Variants in RCAN1 observed in about 807,000 individuals in gnomAD.
The protein encoded by RCAN1 is regulator of calcineurin 1, also known as calcipressin-1.
A neutral mutation model predicts 22.9 loss-of-function variants in RCAN1; 11 were observed. The ratio of observed to expected loss-of-function variants is 0.48; its 90% CI spans 0.30 to 0.79. The LOEUF is 0.79. Ranked by LOEUF, RCAN1 falls within the 30% of genes least tolerant of loss-of-function variation. The pLI is 0.06. For synonymous variants in RCAN1, 136 were observed against 142.3 expected (o/e 0.96, Z 0.32); for missense variants, 291 against 337.8 (o/e 0.86, Z 1.09).
intron 1 of RCAN1, among the ~76,000 whole-genome samples, chr21:34,555,601 T>G (rs1230014969): frequency 6.7e-6 from 1 of 150,248 alleles, no homozygotes; most frequent in African/African-American, 2.4e-5. Flanking sequence ...ATAATAATAA[T>G]AATAAAAAAA....
intron 1 of RCAN1, among the ~76,000 whole-genome samples, chr21:34,557,905 CT>C (rs1986640031): frequency 6.6e-6 from 1 of 152,106 alleles, no homozygotes; most frequent in Admixed American, 6.5e-5. Context: ...GGTACTATCA[CT>C]TTTTTATAGG....
chr21:34,531,422 G>C (rs1042360888), intron 1 of RCAN1, among the ~76,000 whole-genome samples: 45 of 152,132 alleles, frequency 3.0e-4, no homozygotes, highest in African/African-American at 9.9e-4. Flanking sequence ...GTGCCCTGCA[G>C]GTCCACAGAA....
intron 1 of RCAN1, among the ~76,000 whole-genome samples, chr21:34,587,527 A>C (rs577303118): frequency 6.6e-6 from 1 of 152,334 alleles, no homozygotes; most frequent in East Asian, 1.9e-4. Context: ...ATAAACATAA[A>C]ATTACAAAAT....
At chr21:34,589,705 C>CA (rs1448185820) in intron 1 of RCAN1, among the ~76,000 whole-genome samples, 3 of 117,314 alleles carry the variant, frequency 2.6e-5, no homozygotes, top group Non-Finnish European at 5.5e-5. Context: ...GGCAGGAGAA[C>CA]AAAAGGGGGG....
At chr21:34,560,561 G>A (rs1447010972) in intron 1 of RCAN1, among the ~76,000 whole-genome samples, 1 of 152,134 alleles carries the variant, frequency 6.6e-6, no homozygotes, top group African/African-American at 2.4e-5. Context: ...TTACAAAAGA[G>A]GATTGTTGTA....
At chr21:34,562,278 C>T (rs558768100) in intron 1 of RCAN1, among the ~76,000 whole-genome samples, 51 of 152,326 alleles carry the variant, frequency 3.3e-4, no homozygotes, top group Non-Finnish European at 5.3e-4. Context: ...TACATTCTTA[C>T]GCTCCTGGAA....
chr21:34,590,191 G>A (rs1987926174), intron 1 of RCAN1, among the ~76,000 whole-genome samples: 1 of 152,152 alleles, frequency 6.6e-6, no homozygotes, highest in African/African-American at 2.4e-5. Flanking sequence ...TATCCTCAGA[G>A]CGGCCCTCCA....
chr21:34,539,389 G>A (rs1412385502), intron 1 of RCAN1, among the ~76,000 whole-genome samples: 1 of 152,170 alleles, frequency 6.6e-6, no homozygotes, highest in Non-Finnish European at 1.5e-5. Context: ...TTGCTGTTAG[G>A]AGAAAAAACC....
intron 1 of RCAN1, among the ~76,000 whole-genome samples, chr21:34,596,294 G>A (rs55689536): frequency 0.034 from 5,107 of 152,272 alleles, 97 homozygotes; most frequent in East Asian, 0.043. Context: ...AGAAAAAGCC[G>A]AGAGTCTCTG....
intron 1 of RCAN1, among the ~76,000 whole-genome samples, chr21:34,538,249 A>T (rs865924753): frequency 6.6e-6 from 1 of 152,254 alleles, no homozygotes; most frequent in Non-Finnish European, 1.5e-5. Flanking sequence ...TTAAAAGATC[A>T]TTCGGAGAAG....
chr21:34,533,989 C>T (rs1985551518), intron 1 of RCAN1, among the ~76,000 whole-genome samples: 1 of 152,148 alleles, frequency 6.6e-6, no homozygotes, highest in African/African-American at 2.4e-5. Context: ...GGAATGAGGA[C>T]AAGAGAGACC....
chr21:34,612,059 G>A (rs1988699642), intron 1 of RCAN1, among the ~76,000 whole-genome samples: 1 of 152,110 alleles, frequency 6.6e-6, no homozygotes, highest in African/African-American at 2.4e-5. Flanking sequence ...GGAGAGAAGA[G>A]GCTCAGATGG....
intron 1 of RCAN1, among the ~76,000 whole-genome samples, chr21:34,600,875 T>C (rs1361479655): frequency 2.6e-5 from 4 of 152,214 alleles, no homozygotes; most frequent in Admixed American, 6.5e-5. Flanking sequence ...TGGCATAGCA[T>C]ATATGGTGCT....
At chr21:34,608,033 A>G (rs1246434287) in intron 1 of RCAN1, among the ~76,000 whole-genome samples, 2 of 152,202 alleles carry the variant, frequency 1.3e-5, no homozygotes, top group Admixed American at 1.3e-4. Flanking sequence ...ATGCCTGATG[A>G]TCTGTCACTG....
At chr21:34,528,744 A>G (rs1044362286) in intron 1 of RCAN1, among the ~76,000 whole-genome samples, 5 of 152,098 alleles carry the variant, frequency 3.3e-5, no homozygotes, top group African/African-American at 1.2e-4. Flanking sequence ...CCTGGCATGC[A>G]CCTGGGCAAA....
At chr21:34,586,334 G>T (rs944473269) in intron 1 of RCAN1, among the ~76,000 whole-genome samples, 2 of 151,820 alleles carry the variant, frequency 1.3e-5, no homozygotes, top group East Asian at 1.9e-4. Context: ...AATGTCAAAG[G>T]ACTGAGAGTG....
intron 1 of RCAN1, among the ~76,000 whole-genome samples, chr21:34,583,178 CT>C (rs10708288): frequency 0.45 from 51,492 of 114,096 alleles, 9,558 homozygotes; most frequent in Admixed American, 0.5. Flanking sequence ...GCGATAGGGC[CT>C]TTTTTTTTTT....
At position 34,529,887 on chromosome 21, in the gene RCAN1, G is replaced by A. The variant is rs1391783654; in HGVS notation, c.253-6177C>T. 3.9e-5 allele frequency among the ~76,000 whole-genome samples: 6 copies of A among 152,204 alleles called. No individual in the cohort carries two copies. The East Asian group carries it at 1.2e-3, about 29-fold the overall frequency. On this transcript the variant is annotated intron_variant, in intron 1 of 3. Transcript: ENST00000313806. ...TCTTTCCTGTGCTATTCTCGTGATA[G>A]TGAATAAGTCTCACGAGATCTGATG...
chr21:34,535,136 T>C (rs142744771), intron 1 of RCAN1, among the ~76,000 whole-genome samples: 6 of 152,316 alleles, frequency 3.9e-5, no homozygotes, highest in African/African-American at 1.4e-4. Context: ...ACCAAGGAGG[T>C]TCATAATCCA....
Sources: allele counts gnomAD v4.1 joint callset (sites outside exome capture counted in the v4.1 genomes callset), GRCh38; gene constraint gnomAD v4.1.1; transcripts MANE v1.5; gene names NCBI Gene and HGNC (gene_info 2026-07-23, HGNC 2026-07-21).